Variants in LGSN observed in about 807,000 individuals in gnomAD.
The protein encoded by LGSN is lengsin.
A neutral mutation model predicts 19.5 loss-of-function variants in LGSN; 21 were observed. The observed-to-expected ratio is 1.07, with a 90% confidence interval of 0.76 to 1.55. The LOEUF is 1.55. Ranked by LOEUF, LGSN falls within the 40% of genes most tolerant of loss-of-function variation. The pLI, the probability that LGSN is intolerant of heterozygous loss-of-function variation, is 0.00. For missense variants in LGSN, 673 were observed against 608.5 expected, an observed-to-expected ratio of 1.11 and a Z score of -1.12; for synonymous variants, 257 against 215.6, an observed-to-expected ratio of 1.19 and a Z score of -1.68.
At chr6:63,412,411 GA>G in the LGSN span, among the ~76,000 whole-genome samples, 2 of 114,212 alleles carry the variant, frequency 1.8e-5, no homozygotes, top group African/African-American at 8.4e-5. Flanking sequence ...AAGAAAGAAA[GA>G]AAGAAGAAAG....
chr6:63,464,092 T>C, the LGSN span, among the ~76,000 whole-genome samples: 1 of 152,172 alleles, frequency 6.6e-6, no homozygotes, highest in Non-Finnish European at 1.5e-5. Context: ...TGGATATTTG[T>C]GTTCCATTTT....
the LGSN span, among the ~76,000 whole-genome samples, chr6:63,436,290 C>A: frequency 3.3e-5 from 5 of 152,064 alleles, no homozygotes; most frequent in African/African-American, 1.2e-4. Flanking sequence ...TTTATAGAGA[C>A]GGGTTTTCAC....
the LGSN span, among the ~76,000 whole-genome samples, chr6:63,364,610 C>T: frequency 6.6e-6 from 1 of 152,202 alleles, no homozygotes; most frequent in East Asian, 1.9e-4. Flanking sequence ...CATAACTCTC[C>T]ACGCCAAATC....
In LGSN at chr6:63,281,304, A is replaced by AAAATATATAT. The variant is rs1472299320; in HGVS notation, c.331-85_331-84insATATATATTT. 215 of 135,772 alleles carry AAAATATATAT rather than the reference A, an allele frequency of 1.6e-3. 1 individual carries two copies. The highest frequency in any genetic ancestry group is 8.5e-4 in the Non-Finnish European group (60 of 70,578). 8.4% of individuals were successfully genotyped at this position (135,772 alleles called of 1,614,324 possible). On this transcript the variant is annotated intron_variant, in intron 3 of 3. Transcript: ENST00000370657. ...GCGGCGGGAAAGCCTTGCTAATGAA[A>AAAATATATAT]ATATATATATATATATATATATATA...
At chr6:63,547,302 G>C in the LGSN span, among the ~76,000 whole-genome samples, 1 of 149,528 alleles carries the variant, frequency 6.7e-6, no homozygotes, top group Non-Finnish European at 1.5e-5. Flanking sequence ...TGATTCTCCT[G>C]TCTCAGCCTC....
the LGSN span, among the ~76,000 whole-genome samples, chr6:63,460,183 C>G: frequency 4.0e-5 from 5 of 126,194 alleles, no homozygotes; most frequent in Non-Finnish European, 6.3e-5. Flanking sequence ...TGGTCTCGAA[C>G]TCCTGACCTC....
At chr6:63,299,673 G>T (rs1224546457) in intron 1 of LGSN, among the ~76,000 whole-genome samples, 1 of 152,100 alleles carries the variant, frequency 6.6e-6, no homozygotes, top group Non-Finnish European at 1.5e-5. Context: ...TTTAACTTCT[G>T]CCCTTGTCCG....
At chr6:63,417,262 T>C in the LGSN span, among the ~76,000 whole-genome samples, 1 of 152,106 alleles carries the variant, frequency 6.6e-6, no homozygotes, top group African/African-American at 2.4e-5. Flanking sequence ...GAATCTTGTG[T>C]GCAATTTTTC....
At chr6:63,460,100 C>CTTTTTTTTTTTTT in the LGSN span, among the ~76,000 whole-genome samples, 110 of 56,144 alleles carry the variant, frequency 2.0e-3, no homozygotes, top group Non-Finnish European at 2.6e-3. Flanking sequence ...ATTTCATTCC[C>CTTTTTTTTTTTTT]TTTTTTTTTT....
the LGSN span, among the ~76,000 whole-genome samples, chr6:63,553,079 C>T: frequency 6.6e-6 from 1 of 152,104 alleles, no homozygotes; most frequent in Non-Finnish European, 1.5e-5. Flanking sequence ...TCACCAGTTG[C>T]AAAGTAGTAG....
the LGSN span, among the ~76,000 whole-genome samples, chr6:63,337,628 T>C: frequency 6.6e-6 from 1 of 150,670 alleles, no homozygotes; most frequent in African/African-American, 2.4e-5. Context: ...ATGGCCAAAC[T>C]ACATCTCTAC....
the LGSN span, among the ~76,000 whole-genome samples, chr6:63,412,726 A>G: frequency 0.06 from 2,408 of 40,296 alleles, 51 homozygotes; most frequent in African/African-American, 0.22. Flanking sequence ...AAGGAAAGAA[A>G]GAAAGAAAGA....
At chr6:63,300,233 C>T (rs528629187) in intron 1 of LGSN, among the ~76,000 whole-genome samples, 7 of 152,346 alleles carry the variant, frequency 4.6e-5, no homozygotes, top group South Asian at 2.1e-4. Flanking sequence ...CTTGACTCTA[C>T]ACCTGGTGTG....
At chr6:63,521,057 T>G in the LGSN span, among the ~76,000 whole-genome samples, 1 of 149,454 alleles carries the variant, frequency 6.7e-6, no homozygotes, top group Non-Finnish European at 1.5e-5. Flanking sequence ...CACAGGGAGG[T>G]GAACATCATA....
the LGSN span, among the ~76,000 whole-genome samples, chr6:63,365,041 C>A: frequency 6.6e-6 from 1 of 151,962 alleles, no homozygotes; most frequent in Non-Finnish European, 1.5e-5. Flanking sequence ...GAAGCAAGAG[C>A]AAACACATTC....
chr6:63,426,727 C>A, the LGSN span, among the ~76,000 whole-genome samples: 1 of 152,144 alleles, frequency 6.6e-6, no homozygotes, highest in Non-Finnish European at 1.5e-5. Context: ...GTTGGCCAGG[C>A]TGGTCTTGAA....
the LGSN span, among the ~76,000 whole-genome samples, chr6:63,573,002 C>T: frequency 1.4e-4 from 22 of 152,108 alleles, no homozygotes; most frequent in Non-Finnish European, 3.1e-4. Context: ...ACGGGGGCGG[C>T]GCGGTCCGGC....
chr6:63,525,668 G>C, the LGSN span, among the ~76,000 whole-genome samples: 1 of 152,260 alleles, frequency 6.6e-6, no homozygotes, highest in East Asian at 1.9e-4. Context: ...CCTTCTCCAA[G>C]CTTGTAGTTT....
At chr6:63,336,543 G>GTATATATATATATATA in the LGSN span, among the ~76,000 whole-genome samples, 1 of 140,526 alleles carries the variant, frequency 7.1e-6, no homozygotes, top group African/African-American at 2.9e-5. Flanking sequence ...GTGTGTGTGT[G>GTATATATATATATATA]TGTGTGTGTG....
Sources: gnomAD v4.1 joint callset for allele counts (sites outside exome capture counted in the v4.1 genomes callset) on GRCh38, gnomAD v4.1.1 for gene constraint, MANE v1.5 for transcripts, NCBI Gene and HGNC (gene_info 2026-07-23, HGNC 2026-07-21) for gene names.